PCNT: variants seen among roughly 807,000 people sequenced by gnomAD.
The protein encoded by PCNT is kendrin.
A neutral mutation model predicts 380.4 loss-of-function variants in PCNT; 319 were observed. The ratio of observed to expected loss-of-function variants is 0.84; its 90% confidence interval spans 0.77 to 0.92. The LOEUF (loss-of-function observed/expected upper bound fraction) is 0.92. Ranked by LOEUF, PCNT falls within the 40% of genes least tolerant of loss-of-function variation. PCNT has a pLI of 0.00. For missense variants in PCNT, 4,400 were observed against 4,255.3 expected (o/e 1.03, Z -0.95); for synonymous variants, 1,845 against 1,735.2 (o/e 1.06, Z -1.57).
Position 46,416,742 on chromosome 21 carries a change from G to T in PCNT, c.6824G>T (p.Gly2275Val), listed in dbSNP as rs1323480485. The T allele has an allele frequency of 6.3e-7, 1 of 1,599,274 alleles. No individual in the cohort carries two copies. Among genetic ancestry groups the T allele is most frequent in the Non-Finnish European group, 8.5e-7 (1 of 1,172,222 alleles). The change falls in exon 30 of 47, where the codon GGG becomes GTG. Residue 2275 changes from glycine to valine, a missense_variant. Gly to Val is a moderately radical substitution (Grantham distance 109). Transcript: ENST00000359568. ...TCGCTGCCACAGACCCAGGGGCCGGGGCTGCTTTGTTCCCCAGGCGTGTCT... is the reference window on the plus strand; with the variant it reads ...TCGCTGCCACAGACCCAGGGGCCGGTGCTGCTTTGTTCCCCAGGCGTGTCT... ...DTSLPQTQGP[G>V]LLCSPGVSAA...
At chr21:46,329,563 C>T (rs1206981985) in intron 2 of PCNT, among the ~76,000 whole-genome samples, 26 of 152,142 alleles carry the variant, frequency 1.7e-4, no homozygotes, top group Admixed American at 1.6e-3. Context: ...AGGCCCATTA[C>T]TGGTCCCCTT....
intron 15 of PCNT, among the ~76,000 whole-genome samples, chr21:46,371,075 T>C: frequency 6.6e-6 from 1 of 151,708 alleles, no homozygotes; most frequent in East Asian, 1.9e-4. Flanking sequence ...AAATAAAAAT[T>C]AACCAGGCAT....
At chr21:46,445,094 G>T (rs1226879022) in intron 46 of PCNT, among the ~76,000 whole-genome samples, 190 bp from the exon 47 acceptor site, 6 of 152,182 alleles carry the variant, frequency 3.9e-5, no homozygotes, top group African/African-American at 1.4e-4. Context: ...CGAACATAAA[G>T]ATTATATTTC....
chr21:46,373,936 G>A (rs1295948435), intron 15 of PCNT, among the ~76,000 whole-genome samples: 1 of 150,570 alleles, frequency 6.6e-6, no homozygotes, highest in Non-Finnish European at 1.5e-5. Context: ...CACCATGTTG[G>A]CCAGGCTGGT....
chr21:46,331,167 C>CT (rs1313443358), intron 2 of PCNT, among the ~76,000 whole-genome samples: 2 of 151,616 alleles, frequency 1.3e-5, no homozygotes, highest in Non-Finnish European at 2.9e-5. Context: ...AGTCTTTTTT[C>CT]TTTTTTTTGG....
Position 46,437,042 on chromosome 21 carries a change from G to C in PCNT, c.9060G>C (p.Glu3020Asp), listed in dbSNP as rs777454161. The C allele has an allele frequency of 6.2e-7, 1 of 1,614,046 alleles. No individual in the cohort carries two copies. Among genetic ancestry groups the C allele is most frequent in the African/African-American group, 1.3e-5 (1 of 74,958 alleles). The change falls in exon 40 of 47, where the codon GAG (glutamate) becomes GAC (aspartate). Residue 3020 changes from glutamate (E) to aspartate (D), a missense_variant. Transcript: ENST00000359568. ...TGATGTCTTTACTGCACACGTTGGAGGAGCTGAAGTCTGACTTGAGCAGGC... is the reference window on the plus strand; with the variant it reads ...TGATGTCTTTACTGCACACGTTGGACGAGCTGAAGTCTGACTTGAGCAGGC... ...KAVMSLLHTL[E>D]ELKSDLSRPT...
Position 46,390,765 on chromosome 21 carries a change from G to T in PCNT, c.3936G>T (p.Leu1312=). ...TAQVVRKHQE[L]LECLKEESAA... ...AGGTTGTCAGGAAGCACCAGGAGCT[G>T]CTGGAGTGTTTGAAGGAGGAGAGCG... The change falls in exon 20 of 47, where the codon CTG becomes CTT. Residue 1312 remains leucine (L), a synonymous_variant. Coordinates refer to ENST00000359568, the MANE Select transcript of PCNT (RefSeq NM_006031.6). 3.7e-6 allele frequency: 6 copies of T among 1,613,276 alleles called. No individual in the cohort carries two copies. The highest frequency in any genetic ancestry group is 5.1e-6 in the Non-Finnish European group (6 of 1,179,888).
chr21:46,389,982 C>T (rs780433547), intron 19 of PCNT, among the ~76,000 whole-genome samples: 3 of 152,206 alleles, frequency 2.0e-5, no homozygotes, highest in Non-Finnish European at 2.9e-5. Context: ...AGATGTCTTC[C>T]GTGGCTGAAA....
intron 27 of PCNT, among the ~76,000 whole-genome samples, chr21:46,409,190 CTTT>C (rs11399485): frequency 1.6e-5 from 2 of 123,972 alleles, no homozygotes; most frequent in Non-Finnish European, 1.6e-5. Flanking sequence ...AAACTTTTTA[CTTT>C]TTTTTTTTTT....
chr21:46,401,591 T>C lies in PCNT; in HGVS notation c.4832T>C (p.Leu1611Pro), dbSNP rs755519974. ...VLKKQQMSSL[L>P]LASTLQSTLD... ...AAGAAACAGCAGATGAGTAGCTTGCTTCTGGCGTCCACGTTGCAGTCTACA... is the reference window on the plus strand; with the variant it reads ...AAGAAACAGCAGATGAGTAGCTTGCCTCTGGCGTCCACGTTGCAGTCTACA... Residue 1611 changes from leucine to proline, a missense_variant, in exon 26 of 47, where the codon CTT becomes CCT. Coordinates refer to ENST00000359568, the MANE Select transcript of PCNT (RefSeq NM_006031.6). 6.2e-7 allele frequency: 1 copy of C among 1,614,126 alleles called. No individual in the cohort carries two copies. The highest frequency in any genetic ancestry group is 1.7e-5 in the Admixed American group (1 of 60,020).
In PCNT at chr21:46,435,993, G is replaced by C; in HGVS notation, c.8841G>C (p.Val2947=). 6.2e-7 allele frequency: 1 copy of C among 1,614,168 alleles called. No individual in the cohort carries two copies. Among genetic ancestry groups the C allele is most frequent in the Non-Finnish European group, 8.5e-7 (1 of 1,180,034 alleles). The change falls in exon 39 of 47, where the codon GTG becomes GTC. Residue 2947 remains valine (V), a synonymous_variant. Coordinates refer to ENST00000359568, the MANE Select transcript of PCNT (RefSeq NM_006031.6). ...GAGACCTGGAGTCGAAGGACGAGGTGCCTGGCAGCCGCCTCCACCTAGGTT... is the reference window on the plus strand; with the variant it reads ...GAGACCTGGAGTCGAAGGACGAGGTCCCTGGCAGCCGCCTCCACCTAGGTT... ...TVRDLESKDE[V]PGSRLHLGSA...
At chr21:46,346,253 A>G (rs1323792752) in intron 4 of PCNT, 45 bp downstream of exon 4, 1 of 1,349,778 alleles carries the variant, frequency 7.4e-7, no homozygotes, top group Non-Finnish European at 1.1e-6. Flanking sequence ...GGGCTCTGTT[A>G]TCCCCACAGG....
chr21:46,428,694 C>G, intron 35 of PCNT, 104 bp downstream of exon 35: 2 of 1,009,412 alleles, frequency 2.0e-6, no homozygotes, highest in Non-Finnish European at 3.0e-6. Flanking sequence ...AGGGCATCAT[C>G]TAGTCAAGCC....
chr21:46,369,583 GGTTT>G (rs1185344258), intron 15 of PCNT, among the ~76,000 whole-genome samples: 1 of 152,224 alleles, frequency 6.6e-6, no homozygotes, highest in African/African-American at 2.4e-5. Context: ...AGGTTTTCTT[GGTTT>G]GTTTGGTTTA....
At chr21:46,390,963 AC>A in intron 20 of PCNT, 131 bp downstream of exon 20, 3 of 1,242,466 alleles carry the variant, frequency 2.4e-6, no homozygotes, top group Non-Finnish European at 3.4e-6. Flanking sequence ...CATGGGAGGC[AC>A]CCATGGTTTG....
At chr21:46,332,988 C>T (rs2083605239) in intron 2 of PCNT, among the ~76,000 whole-genome samples, 1 of 152,194 alleles carries the variant, frequency 6.6e-6, no homozygotes, top group Admixed American at 6.5e-5. Context: ...TGGCGCATGC[C>T]AGTAGTTCCA....
chr21:46,383,243 G>A (rs1244770399), intron 16 of PCNT, among the ~76,000 whole-genome samples: 1 of 147,596 alleles, frequency 6.8e-6, no homozygotes, highest in African/African-American at 2.5e-5. Flanking sequence ...CATTCACAGT[G>A]TTGTATATTC....
In PCNT at chr21:46,437,081, G is replaced by C. The variant is rs1176634848; in HGVS notation, c.9099G>C (p.Gln3033His). 1.2e-6 allele frequency: 2 copies of C among 1,611,318 alleles called. No individual in the cohort carries two copies. Residue 3033 changes from glutamine to histidine, a missense_variant and splice_region_variant, in exon 40 of 47, where the codon CAG becomes CAC. Coordinates refer to ENST00000359568, the MANE Select transcript of PCNT (RefSeq NM_006031.6). ...KSDLSRPTSS[Q>H]KKMAAELQFQ... ...ACTTGAGCAGGCCCACCTCCTCCCA[G>C]GTAAGGGGTGAGCGCCCCCAGGTCC... is the stretch of plus-strand genomic sequence containing the variant.
At chr21:46,374,134 T>C (rs1355922148) in intron 15 of PCNT, among the ~76,000 whole-genome samples, 2 of 152,136 alleles carry the variant, frequency 1.3e-5, no homozygotes, top group African/African-American at 4.8e-5. Context: ...ATTATGTTTT[T>C]TGGGGCAGAG....
Sources: gnomAD v4.1 joint callset for allele counts (sites outside exome capture counted in the v4.1 genomes callset) on GRCh38, gnomAD v4.1.1 for gene constraint, MANE v1.5 for transcripts, NCBI Gene and HGNC (gene_info 2026-07-23, HGNC 2026-07-21) for gene names.